KCNMA1: variants seen among roughly 807,000 people sequenced by gnomAD.
The protein encoded by KCNMA1 is potassium calcium-activated channel subfamily M alpha 1.
Under a neutral mutation model 140.0 loss-of-function variants are expected in KCNMA1, and 29 were observed. The observed-to-expected ratio is 0.21, with a 90% CI of 0.15 to 0.28. KCNMA1 has a LOEUF of 0.28. Among genes scored for constraint, KCNMA1 ranks in the 10% least tolerant of loss-of-function variants. The pLI is 1.00. For missense variants in KCNMA1, 880 were observed against 1,602.2 expected, an observed-to-expected ratio of 0.55 and a Z score of 7.70; for synonymous variants, 612 against 611.9, an observed-to-expected ratio of 1.00 and a Z score of 0.00.
At chr10:77,354,214 C>T (rs894239848) in intron 2 of KCNMA1, among the ~76,000 whole-genome samples, 12 of 152,178 alleles carry the variant, frequency 7.9e-5, no homozygotes, top group Non-Finnish European at 1.6e-4. Flanking sequence ...ACGATGGTCT[C>T]GATCTCTTGA....
At chr10:76,962,362 C>A (rs900177327) in intron 20 of KCNMA1, among the ~76,000 whole-genome samples, 1 of 152,176 alleles carries the variant, frequency 6.6e-6, no homozygotes, top group South Asian at 2.1e-4. Context: ...TCTTATCACA[C>A]GATAAGGCCT....
intron 1 of KCNMA1, among the ~76,000 whole-genome samples, chr10:77,449,529 AG>A (rs2097587850): frequency 4.5e-5 from 2 of 44,006 alleles, no homozygotes; most frequent in Admixed American, 6.1e-4. Context: ...TGGGTGGGGT[AG>A]GGTGGGCAGA....
At chr10:76,986,172 A>G (rs536669985) in intron 19 of KCNMA1, among the ~76,000 whole-genome samples, 84 of 152,290 alleles carry the variant, frequency 5.5e-4, no homozygotes, top group Non-Finnish European at 9.0e-4. Flanking sequence ...AGCTGATGGG[A>G]AGCCCATTCT....
At position 77,184,807 on chromosome 10, in the gene KCNMA1, T is replaced by C. The variant is rs756795138; in HGVS notation, c.696+16A>G. 2 of 1,511,110 alleles carry C rather than the reference T, an allele frequency of 1.3e-6. No homozygotes were observed. Among genetic ancestry groups the C allele is most frequent in the Admixed American group, 1.7e-5 (1 of 59,900 alleles). The allele number at this position is 1,511,110 out of a possible 1,614,324, so 93.6% of individuals were successfully genotyped here. A position where few individuals can be genotyped will look rare whatever the true frequency, so the allele number is the denominator to read the frequency against. On this transcript the variant is annotated intron_variant, in intron 4 of 27. Coordinates refer to ENST00000286628, the MANE Select transcript of KCNMA1 (RefSeq NM_001161352.2). ...AACACCCCATTGTGATACTGAACAA[T>C]GTTGCACAAACTTACCCGCAAGCCG...
At position 77,092,239 on chromosome 10, in the gene KCNMA1, T is replaced by C. The variant is rs534202175; in HGVS notation, c.1224-1729A>G. Reference sequence around the variant, plus strand: ...GTGTATCAGAATACACAATATAGATTGAACATTTGGATGATATGCATTTTA... The same window carrying C: ...GTGTATCAGAATACACAATATAGATCGAACATTTGGATGATATGCATTTTA... On this transcript the variant is annotated intron_variant, in intron 9 of 27. Coordinates refer to ENST00000286628, the MANE Select transcript of KCNMA1 (RefSeq NM_001161352.2). 5 of 152,338 alleles carry C rather than the reference T, an allele frequency of 3.3e-5. No individual in the cohort carries two copies. The South Asian group carries it at 1.0e-3, about 32-fold the overall frequency. The allele number at this position is 152,338 out of a possible 1,614,324, so 9.4% of individuals were successfully genotyped here. A position where few individuals can be genotyped will look rare whatever the true frequency, so the allele number is the denominator to read the frequency against.
intron 5 of KCNMA1, chr10:77,150,217 G>T (rs889937282): frequency 1.3e-5 from 2 of 152,116 alleles, no homozygotes; most frequent in African/African-American, 4.8e-5. Flanking sequence ...TGAGGTGTAG[G>T]TTTGCAAATA....
Position 77,039,560 on chromosome 10 carries a change from G to A in KCNMA1, c.1827C>T (p.Ala609=). ...NEMYTEYLSS[A]FVGLSFPTVC... ...CAGTAGGGAAGGACAGACCCACGAAGGCACTGGAGAGATATTCTGTGTACA... is the reference window on the plus strand; with the variant it reads ...CAGTAGGGAAGGACAGACCCACGAAAGCACTGGAGAGATATTCTGTGTACA... The change falls in exon 15 of 28, where the codon GCC becomes GCT. Residue 609 remains alanine, a synonymous_variant. Coordinates refer to ENST00000286628, the MANE Select transcript of KCNMA1 (RefSeq NM_001161352.2). 6.2e-7 allele frequency: 1 copy of A among 1,610,920 alleles called. No individual in the cohort carries two copies. The highest frequency in any genetic ancestry group is 8.5e-7 in the Non-Finnish European group (1 of 1,177,082).
At chr10:77,496,743 A>G (rs1603629754) in intron 1 of KCNMA1, among the ~76,000 whole-genome samples, 2 of 151,982 alleles carry the variant, frequency 1.3e-5, no homozygotes, top group South Asian at 4.2e-4. Flanking sequence ...CATTTTACAT[A>G]CAGGTAAGGT....
At chr10:77,274,422 G>A in intron 2 of KCNMA1, among the ~76,000 whole-genome samples, 1 of 152,088 alleles carries the variant, frequency 6.6e-6, no homozygotes, top group East Asian at 1.9e-4. Flanking sequence ...CCCTAATCAA[G>A]GAAACTACAC....
chr10:77,611,819 G>A (rs1407234015), intron 1 of KCNMA1, among the ~76,000 whole-genome samples: 1 of 152,126 alleles, frequency 6.6e-6, no homozygotes, highest in Non-Finnish European at 1.5e-5. Flanking sequence ...AGCATTCATG[G>A]GGCGAGGTAC....
At chr10:77,612,109 C>T (rs1042713995) in intron 1 of KCNMA1, among the ~76,000 whole-genome samples, 2 of 152,178 alleles carry the variant, frequency 1.3e-5, no homozygotes, top group African/African-American at 4.8e-5. Flanking sequence ...GATCCAAAAA[C>T]ATCCTCCCAA....
chr10:77,299,300 C>T (rs2076005443), intron 2 of KCNMA1, among the ~76,000 whole-genome samples: 1 of 152,132 alleles, frequency 6.6e-6, no homozygotes, highest in Non-Finnish European at 1.5e-5. Context: ...TTAAGCCTTC[C>T]CTCCCATCTG....
intron 5 of KCNMA1, among the ~76,000 whole-genome samples, chr10:77,165,740 T>C (rs1199945699): frequency 6.6e-6 from 1 of 152,226 alleles, no homozygotes; most frequent in East Asian, 1.9e-4. Flanking sequence ...AGCTATTCAC[T>C]TGACATTTGT....
chr10:77,309,422 T>C (rs1212221817), intron 2 of KCNMA1: 1 of 152,152 alleles, frequency 6.6e-6, no homozygotes, highest in South Asian at 2.1e-4. Context: ...CCAAGCAAGG[T>C]TCTAATAAAC....
intron 1 of KCNMA1, among the ~76,000 whole-genome samples, chr10:77,512,817 G>A (rs1165866549): frequency 2.0e-5 from 3 of 152,162 alleles, no homozygotes; most frequent in African/African-American, 7.2e-5. Flanking sequence ...CATGATCTTG[G>A]ACTTCCAGAT....
intron 1 of KCNMA1, among the ~76,000 whole-genome samples, chr10:77,499,714 C>A (rs2043194356): frequency 6.6e-6 from 1 of 152,014 alleles, no homozygotes; most frequent in South Asian, 2.1e-4. Flanking sequence ...GTAATTAAGA[C>A]ATTAATCAAA....
intron 2 of KCNMA1, among the ~76,000 whole-genome samples, chr10:77,255,186 A>C (rs573264258): frequency 7.2e-5 from 11 of 152,346 alleles, no homozygotes; most frequent in African/African-American, 2.6e-4. Flanking sequence ...CTAAAAACAA[A>C]AGCAATTTGA....
At chr10:77,436,906 AG>A (rs1269266592) in intron 1 of KCNMA1, among the ~76,000 whole-genome samples, 1 of 151,946 alleles carries the variant, frequency 6.6e-6, no homozygotes, top group Non-Finnish European at 1.5e-5. Context: ...CAGGCTAGCA[AG>A]GGAGGGGATT....
chr10:77,113,620 C>T (rs1189978239), intron 6 of KCNMA1, among the ~76,000 whole-genome samples: 6 of 152,050 alleles, frequency 3.9e-5, no homozygotes, highest in African/African-American at 7.2e-5. Flanking sequence ...CCCGCCACCA[C>T]GCCCAGCTAA....
Sources: gnomAD v4.1 joint callset for allele counts (sites outside exome capture counted in the v4.1 genomes callset) on GRCh38, gnomAD v4.1.1 for gene constraint, MANE v1.5 for transcripts, NCBI Gene and HGNC (gene_info 2026-07-23, HGNC 2026-07-21) for gene names.